CTNNA2: variants seen among roughly 807,000 people sequenced by gnomAD.
CTNNA2 encodes the protein catenin alpha 2.
In CTNNA2, 42 loss-of-function variants were observed where a neutral mutation model predicts 101.0. That is an observed-to-expected ratio of 0.42 (90% CI 0.32 to 0.54). CTNNA2 has a LOEUF of 0.54. Ranked by LOEUF, CTNNA2 falls within the 20% of genes least tolerant of loss-of-function variation. The pLI, the probability that CTNNA2 is intolerant of heterozygous loss-of-function variation, is 0.14. For missense variants in CTNNA2, 871 were observed against 1,223.1 expected, an observed-to-expected ratio of 0.71 and a Z score of 4.29; for synonymous variants, 450 against 456.4, an observed-to-expected ratio of 0.99 and a Z score of 0.18.
At chr2:79,904,981 C>G (rs898461407) in intron 6 of CTNNA2, among the ~76,000 whole-genome samples, 5 of 152,200 alleles carry the variant, frequency 3.3e-5, no homozygotes, top group African/African-American at 1.2e-4. Flanking sequence ...TTATAGAGCG[C>G]CACATGAGAG....
At chr2:79,260,356 GC>G (rs1159619522) in intron 2 of CTNNA2, among the ~76,000 whole-genome samples, 2 of 152,116 alleles carry the variant, frequency 1.3e-5, no homozygotes, top group African/African-American at 4.8e-5. Context: ...ATCAATGGGT[GC>G]TGTAATCAAG....
chr2:79,316,044 G>A (rs1187304360), intron 3 of CTNNA2, among the ~76,000 whole-genome samples: 1 of 152,026 alleles, frequency 6.6e-6, no homozygotes, highest in African/African-American at 2.4e-5. Context: ...TTTTATCCAA[G>A]AAGATTACTC....
chr2:79,602,217 G>A (rs1016580), intron 1 of CTNNA2, among the ~76,000 whole-genome samples: 20,624 of 152,056 alleles, frequency 0.14, 2,389 homozygotes, highest in African/African-American at 0.32. Flanking sequence ...TCTCAGGAAT[G>A]TGAGTTTGGT....
intron 7 of CTNNA2, among the ~76,000 whole-genome samples, chr2:80,346,688 G>T (rs923393792): frequency 6.6e-6 from 1 of 152,092 alleles, no homozygotes; most frequent in African/African-American, 2.4e-5. Flanking sequence ...CATTTCCAAA[G>T]CTCCCTTTCT....
chr2:79,187,255 C>CTTTTTTTTT (rs1673790152), intron 1 of CTNNA2, among the ~76,000 whole-genome samples: 1 of 100,676 alleles, frequency 9.9e-6, no homozygotes. Flanking sequence ...CTTTTCTTTT[C>CTTTTTTTTT]TTTTCTTTTC....
chr2:79,725,881 G>A (rs1412189467), intron 2 of CTNNA2, among the ~76,000 whole-genome samples: 1 of 152,188 alleles, frequency 6.6e-6, no homozygotes, highest in Non-Finnish European at 1.5e-5. Context: ...AACACAGTGA[G>A]TGAATGATGA....
At chr2:80,012,746 T>C (rs1693876271) in intron 7 of CTNNA2, among the ~76,000 whole-genome samples, 1 of 152,246 alleles carries the variant, frequency 6.6e-6, no homozygotes, top group Non-Finnish European at 1.5e-5. Context: ...CACAAAGTTC[T>C]CTTAAACTCC....
intron 18 of CTNNA2, among the ~76,000 whole-genome samples, chr2:80,634,610 T>A (rs1455518149): frequency 6.6e-6 from 1 of 152,054 alleles, no homozygotes. Flanking sequence ...TGAGTTCATG[T>A]AACAGGATCG....
At chr2:79,671,885 G>T (rs1258539586) in intron 2 of CTNNA2, among the ~76,000 whole-genome samples, 1 of 152,144 alleles carries the variant, frequency 6.6e-6, no homozygotes, top group Non-Finnish European at 1.5e-5. Context: ...AAAGGTAAAA[G>T]GTTTTCTTTT....
chr2:79,676,227 A>G (rs928117033), intron 2 of CTNNA2, among the ~76,000 whole-genome samples: 13 of 152,220 alleles, frequency 8.5e-5, no homozygotes, highest in African/African-American at 2.9e-4. Context: ...AATATTGGAA[A>G]CTTTTAGTGG....
chr2:79,831,795 TA>T lies in CTNNA2; in HGVS notation c.299-26208del, dbSNP rs35304325. On this transcript the variant is annotated intron_variant, in intron 3 of 18. Transcript: ENST00000402739. ...TAATTTCAATCTTCTACCCTTCAAT[TA>T]AAAAAAAAAGTTTGAATTCCAATAT... Among the ~76,000 whole-genome samples, 495 of 148,284 alleles carry T rather than the reference TA, an allele frequency of 3.3e-3. 7 individuals are homozygous for T. Among genetic ancestry groups the T allele is most frequent in the Non-Finnish European group, 5.7e-3 (379 of 66,966 alleles).
chr2:79,959,858 A>G (rs1391885930), intron 7 of CTNNA2, among the ~76,000 whole-genome samples: 1 of 152,184 alleles, frequency 6.6e-6, no homozygotes, highest in African/African-American at 2.4e-5. Flanking sequence ...GGTACTTACT[A>G]TGTTATATGG....
chr2:80,068,988 A>G (rs1415816776), intron 7 of CTNNA2, among the ~76,000 whole-genome samples: 1 of 152,226 alleles, frequency 6.6e-6, no homozygotes, highest in African/African-American at 2.4e-5. Flanking sequence ...GGATATGAAT[A>G]GATATAGAAG....
intron 9 of CTNNA2, among the ~76,000 whole-genome samples, chr2:80,527,125 A>G (rs890448125): frequency 6.6e-5 from 10 of 152,220 alleles, no homozygotes; most frequent in African/African-American, 2.2e-4. Flanking sequence ...ATATTCATGA[A>G]AGATGATAGT....
At chr2:79,573,505 C>T (rs1675594637) in intron 1 of CTNNA2, among the ~76,000 whole-genome samples, 1 of 152,188 alleles carries the variant, frequency 6.6e-6, no homozygotes, top group Admixed American at 6.5e-5. Flanking sequence ...CAGATGAACA[C>T]CTGAAATTCA....
At chr2:80,507,785 TA>T (rs1292917176) in intron 9 of CTNNA2, among the ~76,000 whole-genome samples, 1 of 152,192 alleles carries the variant, frequency 6.6e-6, no homozygotes, top group Non-Finnish European at 1.5e-5. Context: ...CAGGCATTAC[TA>T]AGCATCCACT....
At chr2:80,498,938 GCAGT>G in intron 9 of CTNNA2, among the ~76,000 whole-genome samples, 1 of 152,152 alleles carries the variant, frequency 6.6e-6, no homozygotes, top group Admixed American at 6.5e-5. Flanking sequence ...ATCATTCAAG[GCAGT>G]CAGTTTGCAC....
chr2:80,468,606 C>T lies in CTNNA2; in HGVS notation c.1290+49005C>T, dbSNP rs542918871. Reference sequence around the variant, plus strand: ...CTAATTTTTGTATTTTTAGTAGAGACGGGGTTTCGCCATATTGGCCAGGCT... The same window carrying T: ...CTAATTTTTGTATTTTTAGTAGAGATGGGGTTTCGCCATATTGGCCAGGCT... On this transcript the variant is annotated intron_variant, in intron 9 of 18. Coordinates refer to ENST00000402739, the MANE Select transcript of CTNNA2 (RefSeq NM_001282597.3). Among the ~76,000 whole-genome samples the T allele has an allele frequency of 3.7e-3, 569 of 152,114 alleles. 3 individuals are homozygous for T. Among genetic ancestry groups the T allele is most frequent in the Non-Finnish European group, 4.3e-3 (291 of 68,004 alleles).
At chr2:79,697,022 C>T (rs1364556435) in intron 2 of CTNNA2, among the ~76,000 whole-genome samples, 1 of 151,908 alleles carries the variant, frequency 6.6e-6, no homozygotes, top group East Asian at 1.9e-4. Flanking sequence ...TCAATACCCT[C>T]ATTTTACAGA....
Sources: gnomAD v4.1 joint callset for allele counts (sites outside exome capture counted in the v4.1 genomes callset) on GRCh38, gnomAD v4.1.1 for gene constraint, MANE v1.5 for transcripts, NCBI Gene and HGNC (gene_info 2026-07-23, HGNC 2026-07-21) for gene names.